RNF144A: variants seen among roughly 807,000 people sequenced by gnomAD.
RNF144A encodes ring finger protein 144A.
In RNF144A, 11 loss-of-function variants were observed where a neutral mutation model predicts 38.7. The observed-to-expected ratio is 0.28, with a 90% CI of 0.18 to 0.47. The LOEUF is 0.47. Among genes scored for constraint, RNF144A ranks in the 20% least tolerant of loss-of-function variants. The pLI is 0.99. For missense variants in RNF144A, 316 were observed against 377.2 expected, an observed-to-expected ratio of 0.84 and a Z score of 1.34; for synonymous variants, 149 against 143.9, an observed-to-expected ratio of 1.04 and a Z score of -0.25.
At chr2:6,986,248 C>G (rs752640478) in intron 2 of RNF144A, among the ~76,000 whole-genome samples, 1 of 151,782 alleles carries the variant, frequency 6.6e-6, no homozygotes, top group African/African-American at 2.4e-5. Flanking sequence ...CAATAAAACC[C>G]GGTTTTTTTT....
chr2:6,950,334 C>G (rs1461768450), intron 2 of RNF144A, among the ~76,000 whole-genome samples: 1 of 152,180 alleles, frequency 6.6e-6, no homozygotes, highest in Non-Finnish European at 1.5e-5. Context: ...ACTCAGTGTT[C>G]TCTAAGATTT....
chr2:7,028,898 A>G (rs920622638), intron 7 of RNF144A, among the ~76,000 whole-genome samples: 1 of 152,174 alleles, frequency 6.6e-6, no homozygotes, highest in Non-Finnish European at 1.5e-5. Context: ...GCCTCTTGCT[A>G]CTGCACCTGT....
At chr2:6,995,862 C>G (rs1379134362) in intron 2 of RNF144A, among the ~76,000 whole-genome samples, 1 of 152,196 alleles carries the variant, frequency 6.6e-6, no homozygotes, top group East Asian at 1.9e-4. Flanking sequence ...AGTTGGCACT[C>G]AGTGTTAACC....
chr2:7,014,886 A>C, intron 5 of RNF144A, 114 bp downstream of exon 5: 1 of 749,054 alleles, frequency 1.3e-6, no homozygotes, highest in Admixed American at 2.3e-5. Context: ...GGAGTTAAAA[A>C]GTTGATGTAA....
At chr2:7,050,577 T>C (rs929901152) in intron 6 of RNF144A, among the ~76,000 whole-genome samples, 7 of 151,232 alleles carry the variant, frequency 4.6e-5, no homozygotes, top group African/African-American at 1.7e-4. Flanking sequence ...ATTCTGTTCC[T>C]GGGGCATTCT....
chr2:6,993,123 A>G (rs1260763678), intron 2 of RNF144A, among the ~76,000 whole-genome samples: 1 of 152,102 alleles, frequency 6.6e-6, no homozygotes, highest in Non-Finnish European at 1.5e-5. Context: ...TGATGGGTTT[A>G]GACAATATAG....
chr2:6,956,428 A>G (rs1285046408), intron 2 of RNF144A, among the ~76,000 whole-genome samples: 1 of 152,188 alleles, frequency 6.6e-6, no homozygotes, highest in Non-Finnish European at 1.5e-5. Flanking sequence ...TCTGTACACC[A>G]CACATCTTTT....
chr2:7,038,971 A>G (rs899623095), intron 8 of RNF144A, among the ~76,000 whole-genome samples: 2 of 150,784 alleles, frequency 1.3e-5, no homozygotes, highest in African/African-American at 4.9e-5. Context: ...CTAGGTATTG[A>G]TGGGTGGGTG....
Position 6,944,549 on chromosome 2 carries a change from C to T in RNF144A, c.-12+3402C>T, listed in dbSNP as rs1451684867. Among the ~76,000 whole-genome samples the T allele has an allele frequency of 6.6e-6, 1 of 152,168 alleles. No individual in the cohort carries two copies. Among genetic ancestry groups the T allele is most frequent in the Non-Finnish European group, 1.5e-5 (1 of 68,032 alleles). ...AAGTTACCCCTCCCGCTTTCTCTTC[C>T]ATTCCTTGGAAGATAAGTGCATTCT... On this transcript the variant is annotated intron_variant, in intron 2 of 8. Coordinates refer to ENST00000320892, the MANE Select transcript of RNF144A (RefSeq NM_014746.6). This position sits in a 1 kb window ranked among gnomAD's most constrained non-coding sequence, Gnocchi z 4.7.
intron 6 of RNF144A, among the ~76,000 whole-genome samples, chr2:7,058,012 C>T (rs115908066): frequency 6.6e-6 from 1 of 152,164 alleles, no homozygotes; most frequent in Non-Finnish European, 1.5e-5. Flanking sequence ...GCACTTCTGA[C>T]ATGTGCCAGG....
At chr2:7,020,263 T>G (rs1671429152) in intron 5 of RNF144A, among the ~76,000 whole-genome samples, 1 of 151,590 alleles carries the variant, frequency 6.6e-6, no homozygotes, top group African/African-American at 2.4e-5. Context: ...TGTCTGGAGG[T>G]CTGTTGCATG....
downstream of RNF144A, among the ~76,000 whole-genome samples, chr2:7,068,776 A>G (rs183839306): frequency 1.8e-4 from 28 of 152,296 alleles, no homozygotes; most frequent in East Asian, 4.4e-3. Context: ...GGAGGATGCC[A>G]TCAAAGCAAA....
intron 2 of RNF144A, among the ~76,000 whole-genome samples, chr2:6,945,840 A>G (rs1225206239): frequency 1.3e-5 from 2 of 152,068 alleles, no homozygotes; most frequent in Non-Finnish European, 2.9e-5. Context: ...AAGAATTATC[A>G]CAACCAAGGC....
At chr2:6,953,587 G>T (rs1408826465) in intron 2 of RNF144A, among the ~76,000 whole-genome samples, 1 of 152,134 alleles carries the variant, frequency 6.6e-6, no homozygotes, top group Non-Finnish European at 1.5e-5. Context: ...CAACGTGTGG[G>T]ATCTTTTTAT....
chr2:7,026,959 C>T (rs1558444232), intron 7 of RNF144A, among the ~76,000 whole-genome samples: 1 of 152,158 alleles, frequency 6.6e-6, no homozygotes, highest in African/African-American at 2.4e-5. Flanking sequence ...CCAGAGGAAG[C>T]GGATGTGAAG....
chr2:6,939,046 C>T (rs1665791717), intron 1 of RNF144A, among the ~76,000 whole-genome samples: 1 of 151,196 alleles, frequency 6.6e-6, no homozygotes, highest in Non-Finnish European at 1.5e-5. Context: ...TGTGAACATT[C>T]CTGTATAGGT....
At chr2:7,020,877 C>T in intron 6 of RNF144A, 197 bp downstream of exon 6, 1 of 594,494 alleles carries the variant, frequency 1.7e-6, no homozygotes, top group African/African-American at 1.9e-5. Flanking sequence ...GACTATGTAC[C>T]AGGCACTGTG....
chr2:7,017,779 A>G (rs1359012920), intron 5 of RNF144A, among the ~76,000 whole-genome samples: 1 of 152,174 alleles, frequency 6.6e-6, no homozygotes, highest in Non-Finnish European at 1.5e-5. Flanking sequence ...GTTAATAGAC[A>G]TCTACGCCTC....
intron 3 of RNF144A, among the ~76,000 whole-genome samples, chr2:7,012,023 T>A (rs1264419701): frequency 1.3e-5 from 2 of 152,218 alleles, no homozygotes; most frequent in African/African-American, 4.8e-5. Flanking sequence ...CACTTTTAAT[T>A]GTTGTATTTT....
Sources: allele counts gnomAD v4.1 joint callset (sites outside exome capture counted in the v4.1 genomes callset), GRCh38; gene constraint gnomAD v4.1.1; non-coding constraint Gnocchi (gnomAD v3.1); transcripts MANE v1.5; gene names NCBI Gene and HGNC (gene_info 2026-07-23, HGNC 2026-07-21).